ANKIB1: variants seen among roughly 807,000 people sequenced by gnomAD.
The protein encoded by ANKIB1 is ankyrin repeat and IBR domain-containing protein 1.
In ANKIB1, 43 loss-of-function variants were observed where a neutral mutation model predicts 122.1. That is an observed-to-expected ratio of 0.35 (90% CI 0.28 to 0.45). ANKIB1 has a LOEUF of 0.45. Ranked by LOEUF, ANKIB1 falls within the 20% of genes least tolerant of loss-of-function variation. ANKIB1 has a pLI of 1.00. For synonymous variants in ANKIB1, 390 were observed against 442.0 expected, an observed-to-expected ratio of 0.88 and a Z score of 1.48; for missense variants, 992 against 1,329.5, an observed-to-expected ratio of 0.75 and a Z score of 3.95.
chr7:92,387,409 G>A (rs770426153), intron 12 of ANKIB1, among the ~76,000 whole-genome samples: 1 of 152,054 alleles, frequency 6.6e-6, no homozygotes, highest in Non-Finnish European at 1.5e-5. Flanking sequence ...GCCGAGGCAG[G>A]CAGATCACTT....
At chr7:92,306,804 G>A (rs1380670997) in intron 2 of ANKIB1, among the ~76,000 whole-genome samples, 1 of 152,102 alleles carries the variant, frequency 6.6e-6, no homozygotes, top group Non-Finnish European at 1.5e-5. Context: ...TTATTTCAAA[G>A]GTTAGCTGAT....
chr7:92,398,031 A>T (rs1223431816), intron 19 of ANKIB1, among the ~76,000 whole-genome samples, 172 bp downstream of exon 19: 2 of 151,818 alleles, frequency 1.3e-5, no homozygotes, highest in African/African-American at 4.8e-5. Context: ...ATTTTAAGGT[A>T]TGTTTTTTTT....
chr7:92,384,578 A>G (rs1228795313), intron 11 of ANKIB1, among the ~76,000 whole-genome samples: 1 of 152,076 alleles, frequency 6.6e-6, no homozygotes, highest in East Asian at 1.9e-4. Context: ...CAGAAATAAC[A>G]CCATGCATCC....
intron 18 of ANKIB1, among the ~76,000 whole-genome samples, chr7:92,397,384 G>A (rs1185967411): frequency 6.6e-6 from 1 of 151,892 alleles, no homozygotes; most frequent in African/African-American, 2.4e-5. Context: ...CACTCGAGAG[G>A]CTGAGGCAGG....
chr7:92,305,240 T>C (rs879441799), intron 2 of ANKIB1, among the ~76,000 whole-genome samples: 1 of 152,206 alleles, frequency 6.6e-6, no homozygotes, highest in Non-Finnish European at 1.5e-5. Context: ...TTATGTAACT[T>C]GCCCAAGGTG....
rs762049150 is a variant in ANKIB1 at position 92,319,319 on chromosome 7, A to AT, written c.487-11_487-10insT. 3 of 1,548,538 alleles carry AT rather than the reference A, an allele frequency of 1.9e-6. No individual in the cohort carries two copies. The highest frequency in any genetic ancestry group is 2.8e-5 in the African/African-American group (2 of 71,872). ...CTGTAGTTGCAAGTTTTTGAAAAAA[A>AT]ACTTTTTTAGCTTTTAGTAAAACAT... On this transcript the variant is annotated splice_polypyrimidine_tract_variant and intron_variant, in intron 3 of 19. Transcript: ENST00000265742.
chr7:92,369,305 A>G (rs1411243472), intron 10 of ANKIB1, among the ~76,000 whole-genome samples: 2 of 152,218 alleles, frequency 1.3e-5, no homozygotes, highest in Non-Finnish European at 2.9e-5. Flanking sequence ...TCAGTTCATT[A>G]CCGCTGTTTC....
In ANKIB1 at chr7:92,350,284, A is replaced by G. The variant is rs373568575; in HGVS notation, c.1086-666A>G. 3.2e-4 allele frequency among the ~76,000 whole-genome samples: 48 copies of G among 152,286 alleles called. 1 individual carries two copies. Among genetic ancestry groups the G allele is most frequent in the African/African-American group, 9.9e-4 (41 of 41,570 alleles). On this transcript the variant is annotated intron_variant, in intron 7 of 19. Coordinates refer to ENST00000265742, the MANE Select transcript of ANKIB1 (RefSeq NM_019004.2). ...TCTATACCATTGCCCCCTTTTCTTT[A>G]AAGCTGTAGCATATTGAGAATTGAA...
At chr7:92,335,241 T>C (rs1803261773) in intron 5 of ANKIB1, among the ~76,000 whole-genome samples, 1 of 152,014 alleles carries the variant, frequency 6.6e-6, no homozygotes, top group Admixed American at 6.6e-5. Context: ...TTTTATTGTT[T>C]TCACTTCAGT....
chr7:92,398,535 A>C lies in ANKIB1; in HGVS notation c.2856A>C (p.Ser952=). Reference sequence around the variant, plus strand: ...AGGCAAGAAGTGATTTCTGTCCCTCATCTAGTGATCCTGACTCAGCTGGCC... The same window carrying C: ...AGGCAAGAAGTGATTTCTGTCCCTCCTCTAGTGATCCTGACTCAGCTGGCC... The part of the protein sequence containing the change: ...LSEARSDFCP[S]SSDPDSAGQD... Residue 952 remains serine (S), a synonymous_variant, in exon 20 of 20, where the codon TCA becomes TCC. Coordinates refer to ENST00000265742, the MANE Select transcript of ANKIB1 (RefSeq NM_019004.2). 2 of 1,613,976 alleles carry C rather than the reference A, an allele frequency of 1.2e-6. No homozygotes were observed. The highest frequency in any genetic ancestry group is 1.7e-6 in the Non-Finnish European group (2 of 1,179,872).
chr7:92,369,968 A>T (rs1804197114), intron 10 of ANKIB1, among the ~76,000 whole-genome samples: 1 of 152,252 alleles, frequency 6.6e-6, no homozygotes, highest in South Asian at 2.1e-4. Context: ...TTAAGATTGC[A>T]GATCTCAAAT....
chr7:92,364,420 T>C (rs991351386), intron 10 of ANKIB1, among the ~76,000 whole-genome samples: 1 of 151,648 alleles, frequency 6.6e-6, no homozygotes, highest in African/African-American at 2.4e-5. Context: ...CCTATTCTGA[T>C]ATGTATGGGT....
chr7:92,320,897 T>C (rs1802897255), intron 4 of ANKIB1, among the ~76,000 whole-genome samples: 1 of 152,170 alleles, frequency 6.6e-6, no homozygotes, highest in South Asian at 2.1e-4. Context: ...TAAGCCCTTA[T>C]GTGATCTGAC....
intron 10 of ANKIB1, among the ~76,000 whole-genome samples, chr7:92,363,397 G>A (rs184614317): frequency 2.6e-5 from 4 of 152,118 alleles, no homozygotes; most frequent in East Asian, 1.9e-4. Context: ...GTGACAGAGC[G>A]AGACTCCGTC....
At chr7:92,373,387 A>C (rs533801255) in intron 11 of ANKIB1, among the ~76,000 whole-genome samples, 1 of 152,178 alleles carries the variant, frequency 6.6e-6, no homozygotes, top group African/African-American at 2.4e-5. Context: ...TAAATACTTG[A>C]TAAATATGTA....
intron 1 of ANKIB1, among the ~76,000 whole-genome samples, chr7:92,290,564 A>G (rs1802225588): frequency 6.6e-6 from 1 of 152,160 alleles, no homozygotes; most frequent in Non-Finnish European, 1.5e-5. Context: ...AGTTAAAATG[A>G]AGAATGGGAA....
rs540103704 is a variant in ANKIB1 at position 92,246,437 on chromosome 7, C to A, written c.-173C>A. On this transcript the variant is annotated 5_prime_UTR_variant, in exon 1 of 20. Transcript: ENST00000265742. Reference sequence around the variant, plus strand: ...GGCTGGGTACCTGAGGTCACCAGCTCGGCTGTAGAGGCAGGGGCGGCGGAG... The same window carrying A: ...GGCTGGGTACCTGAGGTCACCAGCTAGGCTGTAGAGGCAGGGGCGGCGGAG... 3 of 517,424 alleles carry A rather than the reference C, an allele frequency of 5.8e-6. No individual in the cohort carries two copies. Among genetic ancestry groups the A allele is most frequent in the Non-Finnish European group, 1.2e-5 (3 of 259,556 alleles). 32.1% of individuals were successfully genotyped at this position (517,424 alleles called of 1,614,324 possible). A position where few individuals can be genotyped will look rare whatever the true frequency, so the allele number is the denominator to read the frequency against.
intron 1 of ANKIB1, among the ~76,000 whole-genome samples, chr7:92,265,156 T>C (rs1193676583): frequency 6.6e-6 from 1 of 152,080 alleles, no homozygotes; most frequent in South Asian, 2.1e-4. Flanking sequence ...TTTTTTCACA[T>C]TTTGTAGAGA....
chr7:92,398,103 A>G (rs1804939332), intron 19 of ANKIB1, 109 bp from the exon 20 acceptor site: 50 of 1,228,052 alleles, frequency 4.1e-5, no homozygotes, highest in Non-Finnish European at 5.4e-5. Context: ...ATTTTTCTGT[A>G]TAAATAAAAT....
Sources: allele counts gnomAD v4.1 joint callset (sites outside exome capture counted in the v4.1 genomes callset), GRCh38; gene constraint gnomAD v4.1.1; transcripts MANE v1.5; gene names NCBI Gene and HGNC (gene_info 2026-07-23, HGNC 2026-07-21).